The following CCSER1 variants were observed in gnomAD, a reference collection of about 807,000 sequenced individuals.
CCSER1 encodes coiled-coil serine rich protein 1.
In CCSER1, 41 loss-of-function variants were observed where a neutral mutation model predicts 82.0. The ratio of observed to expected loss-of-function variants is 0.50; its 90% confidence interval spans 0.39 to 0.65. The LOEUF (loss-of-function observed/expected upper bound fraction) is 0.65, where lower values mean the gene tolerates loss of function less well. Among genes scored for constraint, CCSER1 ranks in the 30% least tolerant of loss-of-function variants. The pLI is 0.00. For synonymous variants in CCSER1, 414 were observed against 383.9 expected (o/e 1.08, Z -0.92); for missense variants, 1,119 against 1,064.2 (o/e 1.05, Z -0.72).
chr4:90,835,744 T>A (rs72879428), intron 8 of CCSER1, among the ~76,000 whole-genome samples: 3,790 of 152,292 alleles, frequency 0.025, 130 homozygotes, highest in African/African-American at 0.079. Flanking sequence ...TATCTCCAAC[T>A]AGAATATAGT....
At chr4:90,504,102 C>T (rs560690823) in intron 5 of CCSER1, among the ~76,000 whole-genome samples, 85 of 152,032 alleles carry the variant, frequency 5.6e-4, no homozygotes, top group African/African-American at 1.7e-3. Flanking sequence ...CTTCTTAAAT[C>T]GATATTTTAA....
intron 8 of CCSER1, 76 bp from the exon 9 acceptor site, chr4:90,923,294 T>G: frequency 9.8e-7 from 1 of 1,021,142 alleles, no homozygotes; most frequent in South Asian, 1.4e-5. Flanking sequence ...TAATCAAATT[T>G]TAATAAGTGG....
intron 3 of CCSER1, among the ~76,000 whole-genome samples, chr4:90,346,716 A>T (rs1337289291): frequency 6.6e-6 from 1 of 152,158 alleles, no homozygotes; most frequent in Admixed American, 6.5e-5. Context: ...ATGTATTACA[A>T]TACTTGTATG....
intron 6 of CCSER1, among the ~76,000 whole-genome samples, chr4:90,698,635 G>T (rs939268067): frequency 2.6e-5 from 4 of 152,158 alleles, no homozygotes; most frequent in African/African-American, 9.7e-5. Flanking sequence ...CCAATGTAAT[G>T]TATTGAACCT....
chr4:90,621,231 G>GT (rs1006272664), intron 5 of CCSER1, among the ~76,000 whole-genome samples: 52 of 151,960 alleles, frequency 3.4e-4, no homozygotes, highest in Non-Finnish European at 6.0e-4. Flanking sequence ...ATTTTTCTGT[G>GT]TTTTTTTTCT....
At chr4:90,652,646 A>G (rs930279058) in intron 6 of CCSER1, among the ~76,000 whole-genome samples, 6 of 152,192 alleles carry the variant, frequency 3.9e-5, no homozygotes, top group African/African-American at 1.4e-4. Flanking sequence ...GAAGACCAAG[A>G]TGAGATCATA....
intron 10 of CCSER1, among the ~76,000 whole-genome samples, chr4:91,279,543 G>A (rs1046267487): frequency 6.6e-6 from 1 of 151,626 alleles, no homozygotes; most frequent in African/African-American, 2.4e-5. Flanking sequence ...AAAGCTTTGA[G>A]CATTTTGTAT....
chr4:90,227,678 G>A (rs1026929796), intron 1 of CCSER1, among the ~76,000 whole-genome samples: 4 of 152,340 alleles, frequency 2.6e-5, no homozygotes, highest in South Asian at 4.1e-4. Context: ...CGACGCAGAA[G>A]ATGGGTGATT....
chr4:90,821,972 A>G (rs1334665150), intron 8 of CCSER1, among the ~76,000 whole-genome samples: 1 of 152,176 alleles, frequency 6.6e-6, no homozygotes, highest in Non-Finnish European at 1.5e-5. Context: ...TATTAATCTT[A>G]TCAGTGGTTT....
intron 5 of CCSER1, among the ~76,000 whole-genome samples, chr4:90,592,017 C>T (rs186395386): frequency 1.3e-5 from 2 of 152,160 alleles, no homozygotes; most frequent in Admixed American, 1.3e-4. Context: ...GGAAACATTA[C>T]ACACGGGGGT....
intron 9 of CCSER1, among the ~76,000 whole-genome samples, chr4:91,010,040 CT>C (rs1404028989): frequency 1.3e-5 from 2 of 151,990 alleles, no homozygotes; most frequent in Admixed American, 6.6e-5. Flanking sequence ...TCTTTTGTTT[CT>C]ACTTGAAGAA....
At chr4:90,813,457 G>C (rs1198819266) in intron 7 of CCSER1, among the ~76,000 whole-genome samples, 1 of 152,170 alleles carries the variant, frequency 6.6e-6, no homozygotes, top group Non-Finnish European at 1.5e-5. Flanking sequence ...ATATAGTTTG[G>C]CTGTGTCCCC....
chr4:91,206,658 T>C (rs1195382887), intron 10 of CCSER1, among the ~76,000 whole-genome samples: 2 of 151,856 alleles, frequency 1.3e-5, no homozygotes, highest in African/African-American at 2.4e-5. Flanking sequence ...TCTGAAAGAC[T>C]CTAGCTCCTG....
chr4:91,434,127 A>G (rs1200079540), intron 10 of CCSER1, among the ~76,000 whole-genome samples: 1 of 152,200 alleles, frequency 6.6e-6, no homozygotes, highest in African/African-American at 2.4e-5. Flanking sequence ...AGAAGGAATA[A>G]AAGTCATAGC....
intron 1 of CCSER1, among the ~76,000 whole-genome samples, chr4:90,150,426 G>T (rs752466372): frequency 1.8e-4 from 28 of 151,998 alleles, no homozygotes; most frequent in Non-Finnish European, 2.8e-4. Flanking sequence ...TTATTAGTGG[G>T]GAAAGGATGT....
chr4:90,966,939 C>G (rs1316756298), intron 9 of CCSER1, among the ~76,000 whole-genome samples: 1 of 151,920 alleles, frequency 6.6e-6, no homozygotes, highest in African/African-American at 2.4e-5. Flanking sequence ...ATAAAATATC[C>G]AAAACAATCT....
At chr4:90,395,283 A>G in intron 3 of CCSER1, among the ~76,000 whole-genome samples, 1 of 152,230 alleles carries the variant, frequency 6.6e-6, no homozygotes, top group East Asian at 1.9e-4. Flanking sequence ...AAAGGAGAAA[A>G]TTGTACATGT....
At chr4:91,317,710 CTT>C (rs1745930177) in intron 10 of CCSER1, among the ~76,000 whole-genome samples, 1 of 151,776 alleles carries the variant, frequency 6.6e-6, no homozygotes, top group Non-Finnish European at 1.5e-5. Flanking sequence ...TTAGGAGAGA[CTT>C]TTGAGAACAT....
At chr4:90,359,871 ATATG>A (rs1745009404) in intron 3 of CCSER1, among the ~76,000 whole-genome samples, 1 of 111,852 alleles carries the variant, frequency 8.9e-6, no homozygotes, top group Non-Finnish European at 1.8e-5. Flanking sequence ...ATGTGTATAT[ATATG>A]TGTGTATATA....
Sources: gnomAD v4.1 joint callset for allele counts (sites outside exome capture counted in the v4.1 genomes callset) on GRCh38, gnomAD v4.1.1 for gene constraint, MANE v1.5 for transcripts, NCBI Gene and HGNC (gene_info 2026-07-23, HGNC 2026-07-21) for gene names.